The following TRIM24 variants were observed in gnomAD, a reference collection of about 807,000 sequenced individuals.
TRIM24 encodes the protein transcription intermediary factor 1-alpha.
A neutral mutation model predicts 123.9 loss-of-function variants in TRIM24; 29 were observed. The ratio of observed to expected loss-of-function variants is 0.23; its 90% CI spans 0.17 to 0.32. The LOEUF is 0.32. Among genes scored for constraint, TRIM24 ranks in the 10% least tolerant of loss-of-function variants. The pLI is 1.00. For synonymous variants in TRIM24, 456 were observed against 461.1 expected, an observed-to-expected ratio of 0.99 and a Z score of 0.14; for missense variants, 932 against 1,295.3, an observed-to-expected ratio of 0.72 and a Z score of 4.31.
At chr7:138,516,911 C>T (rs1268370522) in intron 3 of TRIM24, among the ~76,000 whole-genome samples, 1 of 149,424 alleles carries the variant, frequency 6.7e-6, no homozygotes, top group Admixed American at 6.7e-5. Flanking sequence ...GAGTTCTAGA[C>T]CAGCCTTGCC....
intron 1 of TRIM24, chr7:138,490,771 C>A (rs190921014): frequency 2.4e-5 from 12 of 497,218 alleles, no homozygotes; most frequent in South Asian, 1.3e-4. Context: ...GATTGGCAAG[C>A]CTTTTCTATG....
chr7:138,521,620 G>A (rs1796505870), intron 4 of TRIM24, among the ~76,000 whole-genome samples: 1 of 152,178 alleles, frequency 6.6e-6, no homozygotes, highest in Admixed American at 6.5e-5. Flanking sequence ...ATTATACTAA[G>A]TGTGAACAGA....
chr7:138,533,783 A>G (rs1218354982), intron 6 of TRIM24, among the ~76,000 whole-genome samples: 1 of 152,202 alleles, frequency 6.6e-6, no homozygotes, highest in Non-Finnish European at 1.5e-5. Context: ...TAGTTTCAGA[A>G]GGAATGGTAC....
chr7:138,588,018 T>C lies in TRIM24; in HGVS notation c.*3067T>C, dbSNP rs754575718. On this transcript the variant is annotated 3_prime_UTR_variant, in exon 19 of 19. Transcript: ENST00000343526. Reference sequence around the variant, plus strand: ...AGGAAAATGTAGTTTTAGTTTCTTTTCTAAGCTAAAGAACTGGCTTTACTA... The same window carrying C: ...AGGAAAATGTAGTTTTAGTTTCTTTCCTAAGCTAAAGAACTGGCTTTACTA... 1 of 152,236 alleles carries C rather than the reference T, an allele frequency of 6.6e-6. No individual in the cohort carries two copies. Among genetic ancestry groups the C allele is most frequent in the Non-Finnish European group, 1.5e-5 (1 of 68,040 alleles). 9.4% of individuals were successfully genotyped at this position (152,236 alleles called of 1,614,324 possible).
chr7:138,528,596 C>CA (rs1429953566), intron 5 of TRIM24, among the ~76,000 whole-genome samples: 1 of 151,894 alleles, frequency 6.6e-6, no homozygotes, highest in African/African-American at 2.4e-5. Flanking sequence ...GCTAATTTTG[C>CA]AAAGAATGGG....
intron 1 of TRIM24, among the ~76,000 whole-genome samples, chr7:138,503,661 A>G (rs1252616410): frequency 2.6e-5 from 4 of 151,396 alleles, no homozygotes; most frequent in Admixed American, 6.6e-5. Context: ...GTTTTAGGGT[A>G]CATGTGCACA....
At position 138,584,727 on chromosome 7, in the gene TRIM24, A is replaced by T. The variant is rs373140997; in HGVS notation, c.2944-15A>T. 2.8e-4 allele frequency: 445 copies of T among 1,571,862 alleles called. No individual in the cohort carries two copies. Among genetic ancestry groups the T allele is most frequent in the Non-Finnish European group, 3.7e-4 (427 of 1,164,704 alleles). On this transcript the variant is annotated splice_polypyrimidine_tract_variant and intron_variant, in intron 18 of 18. Coordinates refer to ENST00000343526, the MANE Select transcript of TRIM24 (RefSeq NM_015905.3). ...GTGTGTCCTTTTTTTACTCATTTTT[A>T]TTTTTACTCCACAGCCTGATTCAGA... is the stretch of plus-strand genomic sequence containing the variant.
At position 138,585,007 on chromosome 7, in the gene TRIM24, A is replaced by G; in HGVS notation, c.*56A>G. The G allele has an allele frequency of 6.9e-7, 1 of 1,450,030 alleles. No individual in the cohort carries two copies. Among genetic ancestry groups the G allele is most frequent in the South Asian group, 1.3e-5 (1 of 76,666 alleles). 89.8% of individuals were successfully genotyped at this position (1,450,030 alleles called of 1,614,324 possible). A position where few individuals can be genotyped will look rare whatever the true frequency, so the allele number is the denominator to read the frequency against. On this transcript the variant is annotated 3_prime_UTR_variant, in exon 19 of 19. Coordinates refer to ENST00000343526, the MANE Select transcript of TRIM24 (RefSeq NM_015905.3). ...TAGATTTTTTTGTTTTCAAAAAAAC[A>G]TTTGTCAGTAATTTAACATCACTAC...
chr7:138,513,125 A>G (rs1376167830), intron 2 of TRIM24, among the ~76,000 whole-genome samples: 1 of 152,082 alleles, frequency 6.6e-6, no homozygotes, highest in Non-Finnish European at 1.5e-5. Context: ...CCGTTGCTCC[A>G]TTTCCCAATA....
At chr7:138,502,089 TA>T (rs1202307052) in intron 1 of TRIM24, among the ~76,000 whole-genome samples, 1 of 152,180 alleles carries the variant, frequency 6.6e-6, no homozygotes, top group African/African-American at 2.4e-5. Context: ...GGTAGAGGTA[TA>T]TCCATGACTC....
At chr7:138,572,529 T>G (rs1252173293) in intron 11 of TRIM24, among the ~76,000 whole-genome samples, 1 of 131,766 alleles carries the variant, frequency 7.6e-6, no homozygotes, top group Non-Finnish European at 1.7e-5. Flanking sequence ...CTTTCTTACC[T>G]GAAATTCCTC....
At position 138,504,523 on chromosome 7, in the gene TRIM24, C is replaced by T. The variant is rs946494357; in HGVS notation, c.483+115C>T. ...TGCCCAGGCAGGAGTTCACAAGTGG[C>T]GCAATCTCCGTTCACTGCAAGCTCC... On this transcript the variant is annotated intron_variant, in intron 2 of 18. Transcript: ENST00000343526. 8 of 581,070 alleles carry T rather than the reference C, an allele frequency of 1.4e-5. No individual in the cohort carries two copies. The Admixed American group carries it at 2.7e-4, about 20-fold the overall frequency. The allele number at this position is 581,070 out of a possible 1,614,324, so 36.0% of individuals were successfully genotyped here.
rs151228863 is a variant in TRIM24 at position 138,512,116 on chromosome 7, C to T, written c.484-3096C>T. Among the ~76,000 whole-genome samples, 358 of 152,358 alleles carry T rather than the reference C, an allele frequency of 2.3e-3. 2 individuals are homozygous for T. Among genetic ancestry groups the T allele is most frequent in the South Asian group, 0.017 (80 of 4,830 alleles). On this transcript the variant is annotated intron_variant, in intron 2 of 18. Transcript: ENST00000343526. ...AAAATAATCCCCTTTGACTTCACAT[C>T]TGTCATCCAGGACACACTGGTACTA...
chr7:138,479,922 G>A (rs754309947), intron 1 of TRIM24, among the ~76,000 whole-genome samples: 4 of 151,800 alleles, frequency 2.6e-5, no homozygotes, highest in Non-Finnish European at 5.9e-5. Context: ...GGGTTCAAGC[G>A]ATTCTCCCAC....
At chr7:138,486,348 C>T (rs1281115543) in intron 1 of TRIM24, among the ~76,000 whole-genome samples, 1 of 152,074 alleles carries the variant, frequency 6.6e-6, no homozygotes, top group African/African-American at 2.4e-5. Context: ...TAATTAGATC[C>T]CATTTGTCTA....
intron 6 of TRIM24, among the ~76,000 whole-genome samples, chr7:138,530,652 AG>A (rs950692865): frequency 6.7e-6 from 1 of 150,198 alleles, no homozygotes; most frequent in South Asian, 2.1e-4. Context: ...TTTTTTTAAG[AG>A]GGGGGGTTTT....
chr7:138,464,664 A>G (rs1795094200), intron 1 of TRIM24, among the ~76,000 whole-genome samples: 4 of 152,214 alleles, frequency 2.6e-5, no homozygotes, highest in African/African-American at 7.2e-5. Context: ...ATAAATATAT[A>G]TACACACACA....
intron 1 of TRIM24, among the ~76,000 whole-genome samples, chr7:138,473,612 T>G (rs1042343829): frequency 6.6e-6 from 1 of 152,246 alleles, no homozygotes; most frequent in Non-Finnish European, 1.5e-5. Flanking sequence ...TCCACTGATT[T>G]CTTGCCTTTA....
At chr7:138,565,289 T>G (rs1202093661) in intron 9 of TRIM24, among the ~76,000 whole-genome samples, 1 of 152,198 alleles carries the variant, frequency 6.6e-6, no homozygotes, top group East Asian at 1.9e-4. Flanking sequence ...TGCAAGCCAC[T>G]CTCACGTCCT....
Sources: gnomAD v4.1 joint callset for allele counts (sites outside exome capture counted in the v4.1 genomes callset) on GRCh38, gnomAD v4.1.1 for gene constraint, MANE v1.5 for transcripts, NCBI Gene and HGNC (gene_info 2026-07-23, HGNC 2026-07-21) for gene names.